The following CRPPA variants were observed in gnomAD, a reference collection of about 807,000 sequenced individuals.
CRPPA encodes D-ribitol-5-phosphate cytidylyltransferase.
Under a neutral mutation model 52.0 loss-of-function variants are expected in CRPPA, and 43 were observed. The ratio of observed to expected loss-of-function variants is 0.83; its 90% CI spans 0.65 to 1.07. The LOEUF (loss-of-function observed/expected upper bound fraction) is 1.07, where lower values mean the gene tolerates loss of function less well. Ranked by LOEUF, CRPPA falls within the 50% of genes least tolerant of loss-of-function variation. The pLI is 0.00. For missense variants in CRPPA, 629 were observed against 551.7 expected (o/e 1.14, Z -1.40); for synonymous variants, 250 against 203.5 (o/e 1.23, Z -1.94).
At chr7:16,389,928 A>AAAAAAAAATATATATAT in intron 2 of CRPPA, among the ~76,000 whole-genome samples, 1 of 29,760 alleles carries the variant, frequency 3.4e-5, no homozygotes, top group East Asian at 1.4e-3. Flanking sequence ...AAAAAAAAAA[A>AAAAAAAAATATATATAT]ATATATATAT....
intron 3 of CRPPA, among the ~76,000 whole-genome samples, chr7:16,318,943 G>C (rs1785201508): frequency 6.6e-6 from 1 of 152,140 alleles, no homozygotes; most frequent in Non-Finnish European, 1.5e-5. Context: ...ACATTCTTGT[G>C]ATGCTGTCTC....
At chr7:16,241,862 C>G (rs1387865452) in intron 8 of CRPPA, among the ~76,000 whole-genome samples, 1 of 151,072 alleles carries the variant, frequency 6.6e-6, no homozygotes, top group Non-Finnish European at 1.5e-5. Flanking sequence ...GCTCTCTGAT[C>G]ACTAACTTGT....
At chr7:16,326,477 T>C (rs1785392981) in intron 3 of CRPPA, among the ~76,000 whole-genome samples, 2 of 152,218 alleles carry the variant, frequency 1.3e-5, no homozygotes, top group Non-Finnish European at 2.9e-5. Flanking sequence ...AGAATCCTCC[T>C]GTGAGCAGAG....
intron 2 of CRPPA, among the ~76,000 whole-genome samples, chr7:16,397,423 G>C (rs1487984331): frequency 1.3e-5 from 2 of 152,204 alleles, no homozygotes; most frequent in East Asian, 1.9e-4. Flanking sequence ...ACACGTGACT[G>C]ACACGTGTAA....
At chr7:16,109,155 A>G (rs1782211318) in intron 9 of CRPPA, among the ~76,000 whole-genome samples, 1 of 151,872 alleles carries the variant, frequency 6.6e-6, no homozygotes, top group Non-Finnish European at 1.5e-5. Flanking sequence ...GTCTTTGGGA[A>G]AGATAATTAA....
intron 2 of CRPPA, among the ~76,000 whole-genome samples, chr7:16,377,487 A>G (rs974583098): frequency 2.0e-5 from 3 of 152,234 alleles, no homozygotes; most frequent in African/African-American, 7.2e-5. Flanking sequence ...TACTTAAGAG[A>G]ACATGAGACA....
intron 3 of CRPPA, among the ~76,000 whole-genome samples, chr7:16,320,809 G>A (rs1311097483): frequency 6.6e-6 from 1 of 151,990 alleles, no homozygotes; most frequent in East Asian, 1.9e-4. Context: ...TGTATTTTGG[G>A]ATTTCATGAG....
At chr7:16,137,698 C>G (rs978553085) in intron 9 of CRPPA, among the ~76,000 whole-genome samples, 1 of 152,028 alleles carries the variant, frequency 6.6e-6, no homozygotes, top group Non-Finnish European at 1.5e-5. Context: ...TTAGACTGAT[C>G]CTATATTTTA....
chr7:16,346,043 C>A (rs1048152251), intron 3 of CRPPA, among the ~76,000 whole-genome samples: 2 of 152,132 alleles, frequency 1.3e-5, no homozygotes, highest in Non-Finnish European at 2.9e-5. Context: ...AAATCAGACA[C>A]ACTGGAAAAG....
intron 9 of CRPPA, among the ~76,000 whole-genome samples, chr7:16,215,337 C>T (rs1782274578): frequency 6.6e-6 from 1 of 152,204 alleles, no homozygotes; most frequent in Admixed American, 6.5e-5. Context: ...TATCTATGCA[C>T]AAAGGACAAA....
chr7:16,113,234 G>C (rs1337978320), intron 9 of CRPPA, among the ~76,000 whole-genome samples: 1 of 151,820 alleles, frequency 6.6e-6, no homozygotes, highest in Non-Finnish European at 1.5e-5. Context: ...CAGTTGCAGA[G>C]AGAATTACTG....
At chr7:16,216,869 C>T (rs1179115277) in intron 8 of CRPPA, among the ~76,000 whole-genome samples, 7 of 152,142 alleles carry the variant, frequency 4.6e-5, no homozygotes, top group Admixed American at 3.9e-4. Context: ...GGGGGAGGGG[C>T]GCCCGCCATT....
chr7:16,140,336 T>G (rs1782845390), intron 9 of CRPPA, among the ~76,000 whole-genome samples: 1 of 151,896 alleles, frequency 6.6e-6, no homozygotes, highest in Non-Finnish European at 1.5e-5. Flanking sequence ...TTTTTTTTTT[T>G]TGTATTTTAG....
At chr7:16,156,113 A>G (rs528945769) in intron 9 of CRPPA, among the ~76,000 whole-genome samples, 1 of 121,072 alleles carries the variant, frequency 8.3e-6, no homozygotes, top group East Asian at 3.1e-4. Flanking sequence ...GTTATTCAAA[A>G]GCAAAAAAAA....
In CRPPA at chr7:16,087,906, T is replaced by G. The variant is rs1283766624; in HGVS notation, c.*3789A>C. ...AAAACAAAGTCAAATTTACAGATTT[T>G]AAGACATTCTGTAATTTGATTTTTA... On this transcript the variant is annotated 3_prime_UTR_variant, in exon 10 of 10. Coordinates refer to ENST00000407010, the MANE Select transcript of CRPPA (RefSeq NM_001101426.4). 6.6e-6 allele frequency: 1 copy of G among 152,204 alleles called. No individual in the cohort carries two copies. The highest frequency in any genetic ancestry group is 1.9e-4 in the East Asian group (1 of 5,200). The allele number at this position is 152,204 out of a possible 1,614,324, so 9.4% of individuals were successfully genotyped here. A position where few individuals can be genotyped will look rare whatever the true frequency, so the allele number is the denominator to read the frequency against.
At chr7:16,147,596 C>T (rs1366746287) in intron 9 of CRPPA, among the ~76,000 whole-genome samples, 1 of 152,042 alleles carries the variant, frequency 6.6e-6, no homozygotes, top group Non-Finnish European at 1.5e-5. Flanking sequence ...GAACTTCCTC[C>T]CTTTTAAGAA....
chr7:16,205,913 A>C (rs892284045), intron 9 of CRPPA, among the ~76,000 whole-genome samples: 2 of 152,198 alleles, frequency 1.3e-5, no homozygotes, highest in African/African-American at 4.8e-5. Context: ...TGAATATGGC[A>C]CAATTAAATG....
rs750536217 is a variant in CRPPA, at chr7:16,089,235, C to A, written c.*2460G>T. The A allele has an allele frequency of 2.7e-6, 1 of 371,520 alleles. No homozygotes were observed. Among genetic ancestry groups the A allele is most frequent in the South Asian group, 1.8e-5 (1 of 54,964 alleles). 23.0% of individuals were successfully genotyped at this position (371,520 alleles called of 1,614,324 possible). On this transcript the variant is annotated 3_prime_UTR_variant, in exon 10 of 10. Coordinates refer to ENST00000407010, the MANE Select transcript of CRPPA (RefSeq NM_001101426.4). ...ATATACATATATGTGTGTATGCGTA[C>A]GTATATACATATATGTGTGTATGCG...
At position 16,278,167 on chromosome 7, in the gene CRPPA, C is replaced by T. The variant is rs373890080; in HGVS notation, c.895G>A (p.Gly299Ser). 1 of 1,580,522 alleles carries T rather than the reference C, an allele frequency of 6.3e-7. No individual in the cohort carries two copies. The highest frequency in any genetic ancestry group is 1.1e-5 in the South Asian group (1 of 88,510). ...TTCAGCACTTCTTCAAGAAGATGACCTACATGTTTGTTATCTTCTTCTGTA... is the reference window on the plus strand; with the variant it reads ...TTCAGCACTTCTTCAAGAAGATGACTTACATGTTTGTTATCTTCTTCTGTA... The part of the protein sequence containing the change: ...MDTEEDNKHV[G>S]HLLEEVLKSE... The change falls in exon 6 of 10, where the codon GGT (glycine) becomes AGT (serine). Residue 299 changes from glycine (G) to serine (S), a missense_variant. Gly to Ser is a moderately conservative substitution (Grantham distance 56). Transcript: ENST00000407010.
Sources: allele counts gnomAD v4.1 joint callset (sites outside exome capture counted in the v4.1 genomes callset), GRCh38; gene constraint gnomAD v4.1.1; transcripts MANE v1.5; gene names NCBI Gene and HGNC (gene_info 2026-07-23, HGNC 2026-07-21).